The following EPHA6 variants were observed in gnomAD, a reference collection of about 807,000 sequenced individuals.
EPHA6 encodes the protein ephrin type-A receptor 6.
A neutral mutation model predicts 112.0 loss-of-function variants in EPHA6; 50 were observed. The observed-to-expected ratio is 0.45, with a 90% CI of 0.36 to 0.56. EPHA6 has a LOEUF of 0.56. Ranked by LOEUF, EPHA6 falls within the 20% of genes least tolerant of loss-of-function variation. The pLI, the probability that EPHA6 is intolerant of heterozygous loss-of-function variation, is 0.00. For missense variants in EPHA6, 1,280 were observed against 1,417.4 expected, an observed-to-expected ratio of 0.90 and a Z score of 1.56; for synonymous variants, 529 against 490.7, an observed-to-expected ratio of 1.08 and a Z score of -1.03.
intron 3 of EPHA6, among the ~76,000 whole-genome samples, chr3:97,059,622 C>G (rs1237403458): frequency 6.6e-6 from 1 of 151,026 alleles, no homozygotes; most frequent in Non-Finnish European, 1.5e-5. Flanking sequence ...TTCACCCACA[C>G]AATTTTGTTG....
intron 11 of EPHA6, among the ~76,000 whole-genome samples, chr3:97,545,485 C>A (rs2092931261): frequency 6.6e-6 from 1 of 152,088 alleles, no homozygotes; most frequent in South Asian, 2.1e-4. Flanking sequence ...TTACTTCCAA[C>A]TGTGTGGTCA....
intron 5 of EPHA6, among the ~76,000 whole-genome samples, chr3:97,256,063 C>T (rs961623161): frequency 1.3e-5 from 2 of 151,952 alleles, no homozygotes; most frequent in African/African-American, 2.4e-5. Flanking sequence ...GGTCTCTTTC[C>T]TCATTTATGA....
chr3:97,642,789 G>T (rs572248767), intron 14 of EPHA6, among the ~76,000 whole-genome samples: 1 of 151,562 alleles, frequency 6.6e-6, no homozygotes, highest in Non-Finnish European at 1.5e-5. Context: ...ATGGGACTAT[G>T]TGAAAAGACC....
chr3:97,172,860 G>A (rs1257045884), intron 3 of EPHA6, among the ~76,000 whole-genome samples: 1 of 151,892 alleles, frequency 6.6e-6, no homozygotes, highest in Non-Finnish European at 1.5e-5. Context: ...CCAAACTGTT[G>A]TAGTTTTAGG....
intron 2 of EPHA6, among the ~76,000 whole-genome samples, chr3:96,942,263 C>T (rs138626352): frequency 0.069 from 10,541 of 152,240 alleles, 724 homozygotes; most frequent in Admixed American, 0.21. Context: ...TGGGCTCCAC[C>T]CAGTTCCAGC....
At chr3:96,937,643 T>G (rs2040671433) in intron 2 of EPHA6, among the ~76,000 whole-genome samples, 2 of 152,322 alleles carry the variant, frequency 1.3e-5, no homozygotes, top group South Asian at 4.1e-4. Flanking sequence ...TGACTTTTGT[T>G]GTCATTGCTT....
intron 14 of EPHA6, among the ~76,000 whole-genome samples, chr3:97,710,881 T>C (rs549319816): frequency 6.6e-6 from 1 of 152,382 alleles, no homozygotes; most frequent in South Asian, 2.1e-4. Context: ...TAAGCAGAGT[T>C]TGCAAATACT....
At chr3:97,384,440 A>C (rs2085938229) in intron 5 of EPHA6, among the ~76,000 whole-genome samples, 1 of 152,182 alleles carries the variant, frequency 6.6e-6, no homozygotes, top group African/African-American at 2.4e-5. Context: ...TGGGCTGACT[A>C]TTCTGATTCT....
intron 2 of EPHA6, among the ~76,000 whole-genome samples, chr3:96,974,758 A>AGCCC (rs1210857227): frequency 6.6e-6 from 1 of 152,108 alleles, no homozygotes; most frequent in Non-Finnish European, 1.5e-5. Flanking sequence ...GTTCAATGAA[A>AGCCC]GCTTTTGGTT....
intron 10 of EPHA6, among the ~76,000 whole-genome samples, chr3:97,493,705 T>A (rs1012584450): frequency 1.3e-5 from 2 of 152,114 alleles, no homozygotes; most frequent in African/African-American, 2.4e-5. Flanking sequence ...TATCCAAGTG[T>A]CTTCATGAGT....
intron 5 of EPHA6, among the ~76,000 whole-genome samples, chr3:97,346,533 G>A (rs2083539806): frequency 6.6e-6 from 1 of 152,084 alleles, no homozygotes; most frequent in African/African-American, 2.4e-5. Context: ...TTCTCTGGAT[G>A]CAGAATGGCT....
chr3:96,989,262 A>T (rs2043132139), intron 3 of EPHA6, among the ~76,000 whole-genome samples: 1 of 152,168 alleles, frequency 6.6e-6, no homozygotes. Flanking sequence ...TTGACTCTTT[A>T]GAAGTTCGCT....
In EPHA6 at chr3:97,507,463, T is replaced by C. The variant is rs144285056; in HGVS notation, c.2200+23404T>C. On this transcript the variant is annotated intron_variant, in intron 10 of 17. Coordinates refer to ENST00000389672, the MANE Select transcript of EPHA6 (RefSeq NM_001080448.3). ...TTGGTTTTGTTTATGTGATGGATTA[T>C]ATTTTTTGATTTGCATATATTAAAC... 6.5e-3 allele frequency among the ~76,000 whole-genome samples: 995 copies of C among 152,258 alleles called. 12 individuals carry two copies. The highest frequency in any genetic ancestry group is 0.022 in the African/African-American group (915 of 41,564).
chr3:97,586,701 AGAT>A (rs1246083305), intron 11 of EPHA6, among the ~76,000 whole-genome samples: 4 of 150,292 alleles, frequency 2.7e-5, no homozygotes, highest in East Asian at 3.9e-4. Context: ...ATGGATGGAT[AGAT>A]GATGGATGGA....
chr3:97,434,800 A>G (rs1658663430), intron 6 of EPHA6, among the ~76,000 whole-genome samples: 1 of 152,076 alleles, frequency 6.6e-6, no homozygotes, highest in Non-Finnish European at 1.5e-5. Flanking sequence ...ATGGCGAAAC[A>G]ATGGCTGGTG....
Position 97,755,488 on chromosome 3 carries a change from T to C in EPHA6, c.*6787T>C, listed in dbSNP as rs1487077350. Among the ~76,000 whole-genome samples, 1 of 152,160 alleles carries C rather than the reference T, an allele frequency of 6.6e-6. No homozygotes were observed. Among genetic ancestry groups the C allele is most frequent in the East Asian group, 1.9e-4 (1 of 5,198 alleles). On this transcript the variant is annotated 3_prime_UTR_variant, in exon 18 of 18. Transcript: ENST00000389672. ...AGAACAACTGAGATACAAGTATAGA[T>C]AGGGTGCTCTACAAAATAATAAAAG...
At chr3:97,387,847 C>A (rs546196316) in intron 5 of EPHA6, among the ~76,000 whole-genome samples, 3 of 152,294 alleles carry the variant, frequency 2.0e-5, no homozygotes, top group Admixed American at 2.0e-4. Context: ...GTTTAATCAG[C>A]TTACAGTTCT....
At chr3:97,440,859 T>A (rs1488596355) in intron 6 of EPHA6, among the ~76,000 whole-genome samples, 2 of 151,836 alleles carry the variant, frequency 1.3e-5, no homozygotes, top group East Asian at 3.9e-4. Context: ...GTTATTTACG[T>A]ATGGAAGAGA....
intron 16 of EPHA6, among the ~76,000 whole-genome samples, chr3:97,747,113 G>A (rs974551787): frequency 6.6e-6 from 1 of 150,988 alleles, no homozygotes; most frequent in African/African-American, 2.4e-5. Flanking sequence ...AGAAGAAGGG[G>A]GATAGCAAGA....
Sources: allele counts gnomAD v4.1 joint callset (sites outside exome capture counted in the v4.1 genomes callset), GRCh38; gene constraint gnomAD v4.1.1; transcripts MANE v1.5; gene names NCBI Gene and HGNC (gene_info 2026-07-23, HGNC 2026-07-21).